FTO: variants seen among roughly 807,000 people sequenced by gnomAD.
FTO encodes the protein alpha-ketoglutarate-dependent dioxygenase FTO.
Under a neutral mutation model 63.9 loss-of-function variants are expected in FTO, and 47 were observed. The observed-to-expected ratio is 0.74, with a 90% CI of 0.58 to 0.94. The LOEUF is 0.94. FTO is among the 40% of genes least tolerant of loss of function. FTO has a pLI of 0.00. For missense variants in FTO, 562 were observed against 618.1 expected, an observed-to-expected ratio of 0.91 and a Z score of 0.96; for synonymous variants, 207 against 224.4, an observed-to-expected ratio of 0.92 and a Z score of 0.69.
At chr16:53,843,929 C>T (rs961858954) in intron 3 of FTO, among the ~76,000 whole-genome samples, 6 of 151,670 alleles carry the variant, frequency 4.0e-5, no homozygotes, top group African/African-American at 9.7e-5. Flanking sequence ...GGATTATAGG[C>T]GTGAGCCTCT....
At chr16:53,894,132 T>A (rs1365578578) in intron 7 of FTO, among the ~76,000 whole-genome samples, 1 of 152,230 alleles carries the variant, frequency 6.6e-6, no homozygotes. Context: ...GTTAAAGTTT[T>A]AAGAGAGAAA....
intron 8 of FTO, among the ~76,000 whole-genome samples, chr16:54,025,494 A>G (rs13332081): frequency 0.29 from 43,787 of 151,868 alleles, 7,251 homozygotes; most frequent in East Asian, 0.45. Context: ...AGGCCAAGGG[A>G]GGAGGGTCAC....
chr16:54,115,733 G>A lies in FTO; in HGVS notation c.*3818G>A, dbSNP rs1245592578. ...CTCGGGTTTTATTCCACACACCCCA[G>A]GAAGCATGAGAGGGTTTCAAGCAGC... On this transcript the variant is annotated 3_prime_UTR_variant, in exon 9 of 9. Transcript: ENST00000471389. The A allele has an allele frequency of 1.3e-5, 2 of 152,350 alleles. No homozygotes were observed. Among genetic ancestry groups the A allele is most frequent in the Admixed American group, 1.3e-4 (2 of 15,278 alleles). The allele number at this position is 152,350 out of a possible 1,614,324, so 9.4% of individuals were successfully genotyped here.
chr16:53,880,937 T>TAAAAAAAA (rs34062544), intron 6 of FTO, among the ~76,000 whole-genome samples: 1 of 67,682 alleles, frequency 1.5e-5, no homozygotes, highest in African/African-American at 5.7e-5. Flanking sequence ...CCGTCTCTAC[T>TAAAAAAAA]AAAAAAAAAA....
intron 4 of FTO, among the ~76,000 whole-genome samples, chr16:53,847,292 C>G (rs1200948511): frequency 6.6e-6 from 1 of 152,224 alleles, no homozygotes; most frequent in Non-Finnish European, 1.5e-5. Flanking sequence ...CCTCCTCACC[C>G]TACTCAGCGC....
At chr16:54,063,034 G>A (rs962051136) in intron 8 of FTO, among the ~76,000 whole-genome samples, 14 of 152,120 alleles carry the variant, frequency 9.2e-5, no homozygotes, top group African/African-American at 3.1e-4. Context: ...TTTCCGAGAG[G>A]GTGTGTGTGG....
chr16:53,979,300 C>A (rs1481465688), intron 8 of FTO: 3 of 397,472 alleles, frequency 7.5e-6, no homozygotes, highest in East Asian at 3.6e-5. Flanking sequence ...AAGTTCCTAA[C>A]AAATTACAGG....
At chr16:53,953,948 A>G (rs988463257) in intron 8 of FTO, among the ~76,000 whole-genome samples, 1 of 152,256 alleles carries the variant, frequency 6.6e-6, no homozygotes, top group African/African-American at 2.4e-5. Flanking sequence ...CTAGTAAAAT[A>G]CGCTTCGGAA....
chr16:53,867,296 G>T (rs12918206), intron 4 of FTO, among the ~76,000 whole-genome samples: 88,861 of 151,924 alleles, frequency 0.58, 27,513 homozygotes, highest in East Asian at 0.86. Context: ...GCTAGTAGAC[G>T]TGTATTGCAG....
intron 8 of FTO, among the ~76,000 whole-genome samples, chr16:54,018,720 C>T (rs10153153): frequency 0.19 from 28,918 of 152,050 alleles, 3,497 homozygotes; most frequent in African/African-American, 0.34. Flanking sequence ...CTTCTGCTTC[C>T]TGCTGTCATG....
At chr16:53,873,139 T>C (rs1307228702) in intron 4 of FTO, among the ~76,000 whole-genome samples, 1 of 152,194 alleles carries the variant, frequency 6.6e-6, no homozygotes, top group African/African-American at 2.4e-5. Context: ...ACTTTGATTA[T>C]GGAGGGAAAG....
intron 8 of FTO, among the ~76,000 whole-genome samples, chr16:53,945,253 G>A (rs1197121116): frequency 1.3e-5 from 2 of 152,186 alleles, no homozygotes; most frequent in Non-Finnish European, 2.9e-5. Flanking sequence ...TTTCCCTGAA[G>A]TCTGCAATTG....
At chr16:53,981,964 C>A (rs1213144905) in intron 8 of FTO, 2 of 151,408 alleles carry the variant, frequency 1.3e-5, no homozygotes, top group African/African-American at 4.9e-5. Context: ...CCTGTAATTC[C>A]AGCTACTCAG....
At chr16:53,777,746 G>A (rs1225787546) in intron 1 of FTO, among the ~76,000 whole-genome samples, 1 of 152,088 alleles carries the variant, frequency 6.6e-6, no homozygotes, top group Non-Finnish European at 1.5e-5. Context: ...CTAAATTTCT[G>A]ATTTTTCTTG....
At chr16:53,817,643 G>A (rs2078734169) in intron 2 of FTO, among the ~76,000 whole-genome samples, 1 of 152,048 alleles carries the variant, frequency 6.6e-6, no homozygotes, top group Admixed American at 6.5e-5. Flanking sequence ...CTGGTAAACT[G>A]GTATCTTACT....
At position 53,826,491 on chromosome 16, in the gene FTO, G is replaced by C; in HGVS notation, c.751G>C (p.Gly251Arg). The C allele has an allele frequency of 3.7e-6, 6 of 1,614,012 alleles. No individual in the cohort carries two copies. The highest frequency in any genetic ancestry group is 5.1e-6 in the Non-Finnish European group (6 of 1,179,994). Residue 251 changes from glycine (G) to arginine (R), a missense_variant and splice_region_variant, in exon 3 of 9, where the codon GGC (glycine) becomes CGC (arginine). Transcript: ENST00000471389. Reference protein sequence around the residue: ...AVAVYSYSCEGPEEESEDDSH... With the variant: ...AVAVYSYSCERPEEESEDDSH... ...GGCAGTGTACAGTTATAGCTGTGAA[G>C]GTACAGTCTGCTCTTGGAAAAAGCA...
At chr16:54,053,903 C>G (rs1396639632) in intron 8 of FTO, among the ~76,000 whole-genome samples, 2 of 152,176 alleles carry the variant, frequency 1.3e-5, no homozygotes, top group African/African-American at 2.4e-5. Context: ...CAACTTAAAT[C>G]AACTCCACCT....
intron 3 of FTO, among the ~76,000 whole-genome samples, chr16:53,842,064 C>T (rs149658462): frequency 1.3e-5 from 2 of 152,244 alleles, no homozygotes; most frequent in East Asian, 3.9e-4. Flanking sequence ...TCTTTCCCTG[C>T]CATCTAGCAC....
chr16:53,913,950 G>C (rs2081785345), intron 7 of FTO, among the ~76,000 whole-genome samples: 1 of 151,260 alleles, frequency 6.6e-6, no homozygotes, highest in Admixed American at 6.6e-5. Context: ...CTGCACTCCG[G>C]CTTGGGCGGC....
Sources: gnomAD v4.1 joint callset for allele counts (sites outside exome capture counted in the v4.1 genomes callset) on GRCh38, gnomAD v4.1.1 for gene constraint, MANE v1.5 for transcripts, NCBI Gene and HGNC (gene_info 2026-07-23, HGNC 2026-07-21) for gene names.